AHRR: variants seen among roughly 807,000 people sequenced by gnomAD.
The protein encoded by AHRR is ahR repressor.
A neutral mutation model predicts 44.0 loss-of-function variants in AHRR; 28 were observed. The ratio of observed to expected loss-of-function variants is 0.64; its 90% confidence interval spans 0.47 to 0.87. The LOEUF is 0.87. Among genes scored for constraint, AHRR ranks in the 40% least tolerant of loss-of-function variants. The pLI is 0.00. For missense variants in AHRR, 990 were observed against 953.9 expected (o/e 1.04, Z -0.50); for synonymous variants, 434 against 407.0 (o/e 1.07, Z -0.80).
intron 2 of AHRR, among the ~76,000 whole-genome samples, chr5:347,908 C>T (rs1742732250): frequency 6.6e-6 from 1 of 152,232 alleles, no homozygotes; most frequent in Admixed American, 6.5e-5. Flanking sequence ...GGGCCGTGTC[C>T]AGTGCTCTGG....
intron 4 of AHRR, chr5:403,669 T>A: frequency 1.6e-6 from 1 of 633,672 alleles, no homozygotes; most frequent in Non-Finnish European, 2.6e-6. Flanking sequence ...CCACTTTAAA[T>A]AGTTAAAATG....
At chr5:415,576 C>G (rs1343924581) in intron 5 of AHRR, among the ~76,000 whole-genome samples, 3 of 127,058 alleles carry the variant, frequency 2.4e-5, no homozygotes, top group African/African-American at 3.6e-5. Context: ...TCTGCCTGGT[C>G]TGCTGGGAGG....
chr5:420,417 T>A (rs10068413), intron 5 of AHRR, among the ~76,000 whole-genome samples: 1 of 150,444 alleles, frequency 6.6e-6, no homozygotes, highest in Non-Finnish European at 1.5e-5. Context: ...AAAGGAGGAG[T>A]GACCCCCCAC....
At chr5:360,764 G>T (rs1743151542) in intron 3 of AHRR, among the ~76,000 whole-genome samples, 1 of 152,164 alleles carries the variant, frequency 6.6e-6, no homozygotes, top group Admixed American at 6.5e-5. Context: ...GCATTTTGTG[G>T]AAAGTGGAAC....
intron 1 of AHRR, 70 bp from the exon 2 acceptor site, chr5:343,823 C>G: frequency 2.0e-6 from 3 of 1,506,722 alleles, no homozygotes; most frequent in Non-Finnish European, 2.7e-6. Flanking sequence ...GCTGAGGGGC[C>G]CGGGGCATCG....
intron 8 of AHRR, among the ~76,000 whole-genome samples, chr5:428,233 A>G (rs58779816): frequency 0.091 from 13,823 of 152,322 alleles, 653 homozygotes; most frequent in Admixed American, 0.13. Context: ...GTATCGATTC[A>G]TTCCTAAATC....
chr5:390,585 T>A (rs772138783), intron 4 of AHRR, among the ~76,000 whole-genome samples: 35 of 151,822 alleles, frequency 2.3e-4, no homozygotes, highest in Non-Finnish European at 2.9e-4. Flanking sequence ...AATAATAAAG[T>A]CAGGAAAATG....
At chr5:382,170 C>T (rs142337759) in intron 4 of AHRR, among the ~76,000 whole-genome samples, 1,666 of 152,258 alleles carry the variant, frequency 0.011, 16 homozygotes, top group African/African-American at 0.021. Context: ...ATCATGGTAA[C>T]GCTGGCTTCT....
chr5:433,642 G>A (rs1736842610), intron 10 of AHRR, among the ~76,000 whole-genome samples: 2 of 152,124 alleles, frequency 1.3e-5, no homozygotes, highest in Admixed American at 6.5e-5. Flanking sequence ...TTCCTCACTC[G>A]CCCCAGGCAC....
rs567927931 is a variant in AHRR, at chr5:395,999, G to T, written c.352-17345G>T. Among the ~76,000 whole-genome samples the T allele has an allele frequency of 6.6e-6, 1 of 152,328 alleles. No individual in the cohort carries two copies. The highest frequency in any genetic ancestry group is 2.4e-5 in the African/African-American group (1 of 41,570). ...CCAGAAGCGAAGGTATAAAACACCA[G>T]ATGGTAACACAGGACCACAACTCAG... On this transcript the variant is annotated intron_variant, in intron 4 of 10. Coordinates refer to ENST00000684583, the MANE Select transcript of AHRR (RefSeq NM_001377236.1). The surrounding 1 kb of genome is among the most constrained non-coding windows in gnomAD (Gnocchi z 5.3).
At chr5:412,608 A>G (rs1735508757) in intron 4 of AHRR, among the ~76,000 whole-genome samples, 3 of 152,226 alleles carry the variant, frequency 2.0e-5, no homozygotes, top group Admixed American at 6.5e-5. Flanking sequence ...AAGTACAAGA[A>G]TGATGCATCA....
At chr5:367,725 C>A in intron 3 of AHRR, 2 of 641,126 alleles carry the variant, frequency 3.1e-6, no homozygotes, top group East Asian at 2.7e-5. Context: ...CCTGACACCA[C>A]CCCCTCTGCT....
chr5:420,878 A>AGCACGCACAGACCCAC (rs1736066839), intron 5 of AHRR: 2 of 346,946 alleles, frequency 5.8e-6, no homozygotes, highest in Admixed American at 7.9e-5. Flanking sequence ...CCACCCACGC[A>AGCACGCACAGACCCAC]GCACGCACAG....
chr5:355,936 T>G (rs979408097), intron 3 of AHRR, among the ~76,000 whole-genome samples: 1 of 152,264 alleles, frequency 6.6e-6, no homozygotes, highest in Non-Finnish European at 1.5e-5. Flanking sequence ...TTCTAAAAAC[T>G]TTTCTGAAGT....
At chr5:421,031 T>C (rs1205051391) in intron 5 of AHRR, 5 of 504,902 alleles carry the variant, frequency 9.9e-6, no homozygotes, top group African/African-American at 4.1e-5. Context: ...GTTGAAACCA[T>C]AGCAAGAAAC....
chr5:398,720 T>C (rs1037420142), intron 4 of AHRR, among the ~76,000 whole-genome samples: 3 of 152,180 alleles, frequency 2.0e-5, no homozygotes, highest in African/African-American at 7.2e-5. Context: ...GGAGGAGGCA[T>C]TGCCGTTGTC....
At position 395,396 on chromosome 5, in the gene AHRR, G is replaced by T. The variant is rs1003807802; in HGVS notation, c.352-17948G>T. ...CCGGGAGAGGACAAGGTGGCAAACAGGAAGGGCAGCTGACTCACCAGCCCA... is the reference window on the plus strand; with the variant it reads ...CCGGGAGAGGACAAGGTGGCAAACATGAAGGGCAGCTGACTCACCAGCCCA... On this transcript the variant is annotated intron_variant, in intron 4 of 10. Transcript: ENST00000684583. The surrounding 1 kb of genome is among the most constrained non-coding windows in gnomAD (Gnocchi z 5.3). Among the ~76,000 whole-genome samples the T allele has an allele frequency of 3.9e-5, 6 of 152,246 alleles. No individual in the cohort carries two copies. The highest frequency in any genetic ancestry group is 1.4e-4 in the African/African-American group (6 of 41,468).
At chr5:360,856 A>G (rs1306355514) in intron 3 of AHRR, among the ~76,000 whole-genome samples, 1 of 152,230 alleles carries the variant, frequency 6.6e-6, no homozygotes, top group Non-Finnish European at 1.5e-5. Flanking sequence ...TACTGCTTAT[A>G]GTGAAACGTC....
Position 427,827 on chromosome 5 carries a change from A to G in AHRR, c.729A>G (p.Lys243=). 1.2e-6 allele frequency: 2 copies of G among 1,614,142 alleles called. No homozygotes were observed. The highest frequency in any genetic ancestry group is 1.7e-6 in the Non-Finnish European group (2 of 1,180,008). ...SGFLTMQFQG[K]LKFLFGQKKK... ...ACCAGACGATGCAGTTTCAAGGAAAACTAAAATTCCTGTTTGGACAGAAGA... is the reference window on the plus strand; with the variant it reads ...ACCAGACGATGCAGTTTCAAGGAAAGCTAAAATTCCTGTTTGGACAGAAGA... The change falls in exon 8 of 11, where the codon AAA becomes AAG. Residue 243 remains lysine, a synonymous_variant. Transcript: ENST00000684583.
Sources: allele counts gnomAD v4.1 joint callset (sites outside exome capture counted in the v4.1 genomes callset), GRCh38; gene constraint gnomAD v4.1.1; non-coding constraint Gnocchi (gnomAD v3.1); transcripts MANE v1.5; gene names NCBI Gene and HGNC (gene_info 2026-07-23, HGNC 2026-07-21).